Variants in NXPE2 observed in about 807,000 individuals in gnomAD.
NXPE2 encodes neurexophilin and PC-esterase domain family member 2.
A neutral mutation model predicts 34.4 loss-of-function variants in NXPE2; 34 were observed. The ratio of observed to expected loss-of-function variants is 0.99; its 90% confidence interval spans 0.75 to 1.31. The LOEUF (loss-of-function observed/expected upper bound fraction) is 1.31. Ranked by LOEUF, NXPE2 falls within the 40% of genes most tolerant of loss-of-function variation. The pLI is 0.00. For synonymous variants in NXPE2, 235 were observed against 231.3 expected, an observed-to-expected ratio of 1.02 and a Z score of -0.15; for missense variants, 649 against 672.5, an observed-to-expected ratio of 0.97 and a Z score of 0.39.
chr11:114,472,852 A>G, the NXPE2 span, among the ~76,000 whole-genome samples: 51 of 152,250 alleles, frequency 3.3e-4, no homozygotes, highest in Admixed American at 3.3e-3. Flanking sequence ...ATGTCATCCT[A>G]TCATAACCGG....
downstream of NXPE2, among the ~76,000 whole-genome samples, chr11:114,709,314 C>T (rs1034296119): frequency 4.6e-5 from 7 of 152,064 alleles, no homozygotes; most frequent in South Asian, 2.1e-4. Context: ...TTCCATAATG[C>T]GTTATCATTT....
In NXPE2 at chr11:114,692,860, G is replaced by A. The variant is rs372959139; in HGVS notation, c.133-5185G>A. ...TTTGCTGTTGTTGCCTAGGCTGGAGGACAATGGCATGATCTTGGCTCACCG... is the reference window on the plus strand; with the variant it reads ...TTTGCTGTTGTTGCCTAGGCTGGAGAACAATGGCATGATCTTGGCTCACCG... On this transcript the variant is annotated intron_variant, in intron 2 of 5. Transcript: ENST00000389586. Among the ~76,000 whole-genome samples, 11 of 151,932 alleles carry A rather than the reference G, an allele frequency of 7.2e-5. No individual in the cohort carries two copies. The East Asian group carries it at 9.6e-4, about 13-fold the overall frequency.
chr11:114,671,919 A>T, the NXPE2 span, among the ~76,000 whole-genome samples: 4 of 152,084 alleles, frequency 2.6e-5, no homozygotes, highest in Non-Finnish European at 5.9e-5. Context: ...GTAATTTATA[A>T]GTAAAAGAGG....
chr11:114,728,880 A>G, the NXPE2 span, among the ~76,000 whole-genome samples: 1 of 152,110 alleles, frequency 6.6e-6, no homozygotes, highest in Non-Finnish European at 1.5e-5. Context: ...GGTTTACACA[A>G]ATATGCCCAA....
At chr11:114,721,050 C>A in the NXPE2 span, among the ~76,000 whole-genome samples, 2 of 152,112 alleles carry the variant, frequency 1.3e-5, no homozygotes, top group African/African-American at 4.8e-5. Flanking sequence ...TATAGGAAAT[C>A]CCCTGCTCCT....
intron 4 of NXPE2, among the ~76,000 whole-genome samples, chr11:114,705,340 A>G (rs1020010165): frequency 6.6e-6 from 1 of 152,268 alleles, no homozygotes; most frequent in African/African-American, 2.4e-5. Context: ...CACTCATTTC[A>G]TAAACACATT....
rs1951465423 is a variant in NXPE2, at chr11:114,705,978, T to A, written c.1126T>A (p.Leu376Ile). ...AACACTGCATCAGTGGATTTACTAC[T>A]TACAAAAAGCTGTGAAAAGTATGTA... ...DSTLHQWIYYLQKAVKTLKYF... is the reference protein window; with the variant it reads ...DSTLHQWIYYIQKAVKTLKYF... The change falls in exon 5 of 6, where the codon TTA (leucine) becomes ATA (isoleucine). Residue 376 changes from leucine to isoleucine, a missense_variant. By Grantham distance (5) the Leu-to-Ile change is conservative (BLOSUM62 2). Transcript: ENST00000389586. 4 of 1,411,500 alleles carry A rather than the reference T, an allele frequency of 2.8e-6. No homozygotes were observed. The East Asian group carries it at 1.2e-4, about 41-fold the overall frequency. 87.4% of individuals were successfully genotyped at this position (1,411,500 alleles called of 1,614,324 possible). A position where few individuals can be genotyped will look rare whatever the true frequency, so the allele number is the denominator to read the frequency against.
At position 114,698,776 on chromosome 11, in the gene NXPE2, C is replaced by A; in HGVS notation, c.864C>A (p.His288Gln). The A allele has an allele frequency of 1.3e-6, 2 of 1,540,342 alleles. No individual in the cohort carries two copies. The highest frequency in any genetic ancestry group is 1.2e-5 in the South Asian group (1 of 80,036). The change falls in exon 3 of 6, where the codon CAC becomes CAA. Residue 288 changes from histidine (H) to glutamine (Q), a missense_variant and splice_region_variant. His to Gln is a conservative substitution (Grantham distance 24). Transcript: ENST00000389586. The part of the protein sequence containing the change: ...YLSKEEWRLF[H>Q]RSNIGVEMMK... ...GCAAGGAAGAATGGAGGCTTTTCCA[C>A]AGGTAAAGAGGCTTTTAAATACAAT...
the NXPE2 span, among the ~76,000 whole-genome samples, chr11:114,508,710 A>T: frequency 6.6e-6 from 1 of 152,166 alleles, no homozygotes; most frequent in South Asian, 2.1e-4. Context: ...TTGAAACTGG[A>T]CTCCTTCCTT....
the NXPE2 span, among the ~76,000 whole-genome samples, chr11:114,724,979 T>C: frequency 6.6e-6 from 1 of 151,514 alleles, no homozygotes; most frequent in Non-Finnish European, 1.5e-5. Context: ...CTGGAATTTT[T>C]TGAGACTCTG....
chr11:114,714,169 T>C, the NXPE2 span, among the ~76,000 whole-genome samples: 1 of 152,252 alleles, frequency 6.6e-6, no homozygotes, highest in African/African-American at 2.4e-5. Flanking sequence ...TGGTTGGCTT[T>C]ATAAGCTTCT....
chr11:114,719,053 A>T, the NXPE2 span, among the ~76,000 whole-genome samples: 1 of 152,180 alleles, frequency 6.6e-6, no homozygotes, highest in Admixed American at 6.5e-5. Context: ...AATTTAGAAC[A>T]CTTCCAGCTT....
At chr11:114,602,060 ATT>A in the NXPE2 span, among the ~76,000 whole-genome samples, 1,149 of 94,574 alleles carry the variant, frequency 0.012, 27 homozygotes, top group African/African-American at 0.047. Context: ...TATTATATAT[ATT>A]ATAATATATA....
the NXPE2 span, among the ~76,000 whole-genome samples, chr11:114,800,760 T>TTATAACACTGTTTA: frequency 1.3e-5 from 2 of 149,268 alleles, no homozygotes; most frequent in Non-Finnish European, 3.0e-5. Flanking sequence ...CTTGGTCTGT[T>TTATAACACTGTTTA]TATAACACTG....
chr11:114,484,961 T>A, the NXPE2 span, among the ~76,000 whole-genome samples: 1 of 152,208 alleles, frequency 6.6e-6, no homozygotes, highest in Non-Finnish European at 1.5e-5. Flanking sequence ...TGATCCTTAG[T>A]GTCCTTTTCT....
the NXPE2 span, among the ~76,000 whole-genome samples, chr11:114,756,781 G>C: frequency 6.6e-6 from 1 of 152,028 alleles, no homozygotes; most frequent in Non-Finnish European, 1.5e-5. Flanking sequence ...GAAGGGTTAG[G>C]TGCAGAGGAT....
the NXPE2 span, among the ~76,000 whole-genome samples, chr11:114,671,022 T>G: frequency 0.015 from 2,191 of 148,886 alleles, 41 homozygotes; most frequent in African/African-American, 0.051. Context: ...AAGGAGAGAT[T>G]GTCAATAAGG....
the NXPE2 span, among the ~76,000 whole-genome samples, chr11:114,756,486 C>T: frequency 6.6e-6 from 1 of 152,040 alleles, no homozygotes; most frequent in Non-Finnish European, 1.5e-5. Flanking sequence ...TTTTGACATC[C>T]TAAAGTGTGA....
chr11:114,498,980 T>G, the NXPE2 span, among the ~76,000 whole-genome samples: 4 of 152,154 alleles, frequency 2.6e-5, no homozygotes, highest in African/African-American at 9.6e-5. Flanking sequence ...TCCTTGAAGC[T>G]TCAATAGGAC....
Sources: gnomAD v4.1 joint callset for allele counts (sites outside exome capture counted in the v4.1 genomes callset) on GRCh38, gnomAD v4.1.1 for gene constraint, MANE v1.5 for transcripts, NCBI Gene and HGNC (gene_info 2026-07-23, HGNC 2026-07-21) for gene names.